The following NCK2 variants were observed in gnomAD, a reference collection of about 807,000 sequenced individuals.
NCK2 encodes NCK adaptor protein 2.
In NCK2, 16 loss-of-function variants were observed where a neutral mutation model predicts 33.9. The ratio of observed to expected loss-of-function variants is 0.47; its 90% CI spans 0.32 to 0.72. The LOEUF (loss-of-function observed/expected upper bound fraction) is 0.72, where lower values mean the gene tolerates loss of function less well. NCK2 is among the 30% of genes least tolerant of loss of function. NCK2 has a pLI of 0.03. For synonymous variants in NCK2, 273 were observed against 239.9 expected, an observed-to-expected ratio of 1.14 and a Z score of -1.27; for missense variants, 418 against 537.3, an observed-to-expected ratio of 0.78 and a Z score of 2.19.
chr2:105,766,727 G>A (rs1389833659), intron 1 of NCK2, among the ~76,000 whole-genome samples: 3 of 152,176 alleles, frequency 2.0e-5, no homozygotes, highest in East Asian at 1.9e-4. Context: ...GGTGAACATC[G>A]AACCAGCCCT....
chr2:105,752,796 G>C (rs4851840), intron 1 of NCK2, among the ~76,000 whole-genome samples: 37,156 of 152,092 alleles, frequency 0.24, 5,228 homozygotes, highest in East Asian at 0.46. Flanking sequence ...TGGCTGAATA[G>C]TCTATTTTCT....
At chr2:105,863,730 GC>G (rs773096302) in intron 3 of NCK2, among the ~76,000 whole-genome samples, 1 of 152,176 alleles carries the variant, frequency 6.6e-6, no homozygotes, top group African/African-American at 2.4e-5. Context: ...CTTTCAGAGA[GC>G]ATGTAGCATT....
intron 1 of NCK2, among the ~76,000 whole-genome samples, chr2:105,815,080 A>C (rs1338459703): frequency 1.3e-5 from 2 of 152,156 alleles, no homozygotes; most frequent in Admixed American, 6.5e-5. Context: ...CAATACTTCC[A>C]TCTCGAGAGG....
chr2:105,810,754 G>T (rs1212522324), intron 1 of NCK2, among the ~76,000 whole-genome samples: 1 of 152,156 alleles, frequency 6.6e-6, no homozygotes, highest in Admixed American at 6.5e-5. Context: ...TAAGAGGCTA[G>T]CATTAAATAT....
rs574988005 is a variant in NCK2, at chr2:105,821,948, T to C, written c.-17+5335T>C. ...TTCCCGGGCTGCTGTCTCTGACACATGATGGTGGTGACATGGTAACGACCC... is the reference window on the plus strand; with the variant it reads ...TTCCCGGGCTGCTGTCTCTGACACACGATGGTGGTGACATGGTAACGACCC... On this transcript the variant is annotated intron_variant, in intron 2 of 4. Transcript: ENST00000233154. 2.6e-5 allele frequency among the ~76,000 whole-genome samples: 4 copies of C among 151,102 alleles called. No individual in the cohort carries two copies. In the South Asian group the frequency reaches 8.4e-4, roughly 32 times the overall value.
At position 105,857,373 on chromosome 2, in the gene NCK2, T is replaced by C. The variant is rs181490145; in HGVS notation, c.226+2084T>C. 2.4e-3 allele frequency among the ~76,000 whole-genome samples: 370 copies of C among 152,398 alleles called. 1 individual carries two copies. The highest frequency in any genetic ancestry group is 3.8e-3 in the Non-Finnish European group (258 of 68,044). On this transcript the variant is annotated intron_variant, in intron 3 of 4. Coordinates refer to ENST00000233154, the MANE Select transcript of NCK2 (RefSeq NM_003581.5). ...CCGACAGATGGCCATCCAGCCCTGC[T>C]GGAGCGCAGCGTCGGTTCGAGTAGG... is the stretch of plus-strand genomic sequence containing the variant.
chr2:105,747,039 C>G (rs767637978), intron 1 of NCK2, among the ~76,000 whole-genome samples: 1 of 152,106 alleles, frequency 6.6e-6, no homozygotes, highest in Non-Finnish European at 1.5e-5. Context: ...TGCATAACCC[C>G]CTCTGTCCAC....
chr2:105,839,645 G>A (rs550440709), intron 2 of NCK2, among the ~76,000 whole-genome samples: 7 of 152,222 alleles, frequency 4.6e-5, no homozygotes, highest in Admixed American at 1.3e-4. Flanking sequence ...AGTTTTAGAC[G>A]TGAGATTTGA....
chr2:105,849,026 T>G (rs978194475), intron 2 of NCK2, among the ~76,000 whole-genome samples: 3 of 152,222 alleles, frequency 2.0e-5, no homozygotes, highest in Non-Finnish European at 4.4e-5. Flanking sequence ...AAATTTCAAG[T>G]TAATATCCTG....
chr2:105,865,782 T>C (rs1427801303), intron 3 of NCK2, among the ~76,000 whole-genome samples: 1 of 152,198 alleles, frequency 6.6e-6, no homozygotes, highest in Non-Finnish European at 1.5e-5. Flanking sequence ...AGCATCTTTG[T>C]CATCAGTTTC....
intron 4 of NCK2, among the ~76,000 whole-genome samples, chr2:105,886,272 T>C (rs1283769656): frequency 6.6e-6 from 1 of 152,272 alleles, no homozygotes; most frequent in Admixed American, 6.5e-5. Context: ...TGCAAGATCA[T>C]GCAGTACAGG....
At chr2:105,825,659 T>G (rs990704294) in intron 2 of NCK2, among the ~76,000 whole-genome samples, 1 of 152,214 alleles carries the variant, frequency 6.6e-6, no homozygotes, top group Non-Finnish European at 1.5e-5. Flanking sequence ...TAATTTCTCT[T>G]GTTTTATTAG....
At chr2:105,837,297 G>A (rs1676469806) in intron 2 of NCK2, among the ~76,000 whole-genome samples, 1 of 152,132 alleles carries the variant, frequency 6.6e-6, no homozygotes. Context: ...TACCACATAT[G>A]TAAGTCTAAA....
chr2:105,856,009 T>G (rs1394658027), intron 3 of NCK2, among the ~76,000 whole-genome samples: 1 of 152,160 alleles, frequency 6.6e-6, no homozygotes, highest in Non-Finnish European at 1.5e-5. Context: ...TAATTTTTTG[T>G]ATTTTTAGTA....
intron 2 of NCK2, among the ~76,000 whole-genome samples, chr2:105,818,978 A>G (rs916381496): frequency 3.3e-5 from 5 of 152,194 alleles, no homozygotes; most frequent in Non-Finnish European, 7.3e-5. Context: ...TTAATATGCA[A>G]TAAGGATAGG....
intron 1 of NCK2, among the ~76,000 whole-genome samples, chr2:105,750,037 A>ACACAC (rs1553449506): frequency 2.1e-5 from 3 of 144,554 alleles, no homozygotes; most frequent in Non-Finnish European, 4.5e-5. Context: ...AAAGCAAACA[A>ACACAC]ACACACACAC....
At chr2:105,868,978 GA>G (rs1238663205) in intron 3 of NCK2, among the ~76,000 whole-genome samples, 1 of 152,182 alleles carries the variant, frequency 6.6e-6, no homozygotes, top group African/African-American at 2.4e-5. Context: ...CCAAAGCACG[GA>G]ACAGGTGGAC....
At chr2:105,864,194 G>A (rs905172629) in intron 3 of NCK2, among the ~76,000 whole-genome samples, 9 of 152,070 alleles carry the variant, frequency 5.9e-5, no homozygotes, top group African/African-American at 2.2e-4. Context: ...GAGTGCTGGG[G>A]TGTCCGGCAG....
At chr2:105,770,046 A>T (rs1690078748) in intron 1 of NCK2, among the ~76,000 whole-genome samples, 1 of 151,798 alleles carries the variant, frequency 6.6e-6, no homozygotes, top group South Asian at 2.1e-4. Flanking sequence ...GAGTCAAACC[A>T]TTGAGAGTGG....
Sources: allele counts gnomAD v4.1 joint callset (sites outside exome capture counted in the v4.1 genomes callset), GRCh38; gene constraint gnomAD v4.1.1; transcripts MANE v1.5; gene names NCBI Gene and HGNC (gene_info 2026-07-23, HGNC 2026-07-21).